The following PRKAG2 variants were observed in gnomAD, a reference collection of about 807,000 sequenced individuals.
PRKAG2 encodes protein kinase AMP-activated non-catalytic subunit gamma 2.
PRKAG2 carries 26 observed loss-of-function variants against 69.6 expected under a neutral mutation model. That is an observed-to-expected ratio of 0.37 (90% CI 0.27 to 0.52). The LOEUF is 0.52. Among genes scored for constraint, PRKAG2 ranks in the 20% least tolerant of loss-of-function variants. The pLI, the probability that PRKAG2 is intolerant of heterozygous loss-of-function variation, is 0.90. For missense variants in PRKAG2, 557 were observed against 740.0 expected, an observed-to-expected ratio of 0.75 and a Z score of 2.87; for synonymous variants, 293 against 285.0, an observed-to-expected ratio of 1.03 and a Z score of -0.28.
At chr7:151,775,483 C>T (rs751765311) in intron 3 of PRKAG2, among the ~76,000 whole-genome samples, 4 of 152,144 alleles carry the variant, frequency 2.6e-5, no homozygotes, top group Non-Finnish European at 5.9e-5. Flanking sequence ...TCCGTAAATG[C>T]CCCCAAATCC....
chr7:151,829,359 C>A (rs1176657497), intron 1 of PRKAG2, among the ~76,000 whole-genome samples: 1 of 152,174 alleles, frequency 6.6e-6, no homozygotes. Context: ...ATAAGAGAGA[C>A]AATTACAAGT....
At chr7:151,591,279 T>C (rs1287431061) in intron 6 of PRKAG2, among the ~76,000 whole-genome samples, 1 of 152,254 alleles carries the variant, frequency 6.6e-6, no homozygotes, top group Non-Finnish European at 1.5e-5. Flanking sequence ...GGCAACAGGA[T>C]ACTTTCACCC....
chr7:151,841,658 G>A (rs1164873549), intron 1 of PRKAG2, among the ~76,000 whole-genome samples: 4 of 62,314 alleles, frequency 6.4e-5, no homozygotes, highest in African/African-American at 2.3e-4. Flanking sequence ...TAGTGATGAT[G>A]GTAGTGATGG....
At chr7:151,695,501 C>G (rs1353967039) in intron 3 of PRKAG2, among the ~76,000 whole-genome samples, 1 of 152,118 alleles carries the variant, frequency 6.6e-6, no homozygotes. Context: ...TGTGGGTGCC[C>G]TAAGTGCCGG....
At chr7:151,587,842 G>A (rs1812062560) in intron 6 of PRKAG2, among the ~76,000 whole-genome samples, 1 of 152,144 alleles carries the variant, frequency 6.6e-6, no homozygotes, top group Non-Finnish European at 1.5e-5. Flanking sequence ...AAGGAAATCT[G>A]AAGAAAGCAT....
intron 1 of PRKAG2, among the ~76,000 whole-genome samples, chr7:151,838,095 G>C (rs917559356): frequency 1.9e-4 from 29 of 152,232 alleles, no homozygotes; most frequent in Non-Finnish European, 3.4e-4. Context: ...GGAAAGGACA[G>C]GAGAGGCTGG....
chr7:151,608,750 A>C (rs1347908876), intron 5 of PRKAG2, among the ~76,000 whole-genome samples: 1 of 152,160 alleles, frequency 6.6e-6, no homozygotes, highest in Non-Finnish European at 1.5e-5. Context: ...AAAACAAAAC[A>C]AAAACCTTTA....
At chr7:151,659,425 G>C (rs1391459106) in intron 4 of PRKAG2, among the ~76,000 whole-genome samples, 1 of 152,128 alleles carries the variant, frequency 6.6e-6, no homozygotes, top group Non-Finnish European at 1.5e-5. Context: ...TGAGTCTACT[G>C]GTTCTAAAAG....
intron 6 of PRKAG2, among the ~76,000 whole-genome samples, chr7:151,580,513 C>T (rs536945847): frequency 1.5e-3 from 229 of 152,218 alleles, no homozygotes; most frequent in African/African-American, 5.4e-3. Context: ...GGATTCATAA[C>T]TTATATAGAA....
chr7:151,675,695 G>A (rs1427917005), intron 3 of PRKAG2, 58 bp from the exon 4 acceptor site: 1 of 1,491,780 alleles, frequency 6.7e-7, no homozygotes, highest in Non-Finnish European at 9.3e-7. Flanking sequence ...GGACGTCGGG[G>A]GTGGTCAGAG....
At chr7:151,565,185 T>C (rs746531067) in intron 13 of PRKAG2, among the ~76,000 whole-genome samples, 161 bp downstream of exon 13, 3 of 152,174 alleles carry the variant, frequency 2.0e-5, no homozygotes, top group African/African-American at 7.2e-5. Flanking sequence ...AGATTAAAAG[T>C]ACAATTACTA....
At chr7:151,710,724 C>T (rs565784500) in intron 3 of PRKAG2, among the ~76,000 whole-genome samples, 9 of 152,336 alleles carry the variant, frequency 5.9e-5, no homozygotes, top group East Asian at 1.9e-4. Flanking sequence ...TGTCACTATC[C>T]GCCCAGATAC....
At chr7:151,689,479 G>A (rs1244882963) in intron 3 of PRKAG2, among the ~76,000 whole-genome samples, 1 of 152,226 alleles carries the variant, frequency 6.6e-6, no homozygotes, top group Admixed American at 6.5e-5. Flanking sequence ...TGGGGTGTGG[G>A]CCACGTGGGG....
intron 6 of PRKAG2, among the ~76,000 whole-genome samples, chr7:151,593,579 G>A (rs968619050): frequency 6.6e-6 from 1 of 152,144 alleles, no homozygotes; most frequent in Admixed American, 6.5e-5. Flanking sequence ...GGGGATGGGC[G>A]TGAGGCTGAA....
chr7:151,571,728 TAATAAACCAA>T (rs1178011408), intron 9 of PRKAG2, among the ~76,000 whole-genome samples: 1 of 152,118 alleles, frequency 6.6e-6, no homozygotes, highest in Non-Finnish European at 1.5e-5. Context: ...GACAAAGCCG[TAATAAACCAA>T]ACCCATCACT....
intron 1 of PRKAG2, among the ~76,000 whole-genome samples, chr7:151,798,574 C>T (rs148681175): frequency 0.016 from 2,418 of 152,282 alleles, 59 homozygotes; most frequent in African/African-American, 0.055. Context: ...CTTGGCCTCC[C>T]AGAGTGTTGA....
At chr7:151,832,261 A>G (rs1355557085) in intron 1 of PRKAG2, among the ~76,000 whole-genome samples, 10 of 117,866 alleles carry the variant, frequency 8.5e-5, no homozygotes, top group African/African-American at 4.5e-4. Context: ...GGGAGGAGGG[A>G]AGGAAGGGAG....
intron 3 of PRKAG2, among the ~76,000 whole-genome samples, chr7:151,675,968 A>G (rs1832878379): frequency 6.6e-6 from 1 of 152,088 alleles, no homozygotes; most frequent in African/African-American, 2.4e-5. Context: ...ACGCCTCACT[A>G]TCCACGCTCG....
At chr7:151,831,632 G>C (rs2079027430) in intron 1 of PRKAG2, among the ~76,000 whole-genome samples, 1 of 152,196 alleles carries the variant, frequency 6.6e-6, no homozygotes, top group African/African-American at 2.4e-5. Flanking sequence ...ACGTGCCCTT[G>C]TTTCACTGAT....
Sources: gnomAD v4.1 joint callset for allele counts (sites outside exome capture counted in the v4.1 genomes callset) on GRCh38, gnomAD v4.1.1 for gene constraint, MANE v1.5 for transcripts, NCBI Gene and HGNC (gene_info 2026-07-23, HGNC 2026-07-21) for gene names.